The following MYB variants were observed in gnomAD, a reference collection of about 807,000 sequenced individuals.
MYB encodes transcriptional activator Myb.
MYB carries 28 observed loss-of-function variants against 92.9 expected under a neutral mutation model. That is an observed-to-expected ratio of 0.30 (90% confidence interval 0.22 to 0.41). MYB has a LOEUF of 0.41. Ranked by LOEUF, MYB falls within the 10% of genes least tolerant of loss-of-function variation. MYB has a pLI of 1.00. For synonymous variants in MYB, 295 were observed against 329.1 expected (o/e 0.90, Z 1.12); for missense variants, 679 against 929.3 (o/e 0.73, Z 3.50).
rs1387460033 is a variant in MYB, at chr6:135,181,931, A to G, written c.23+395A>G. ...CGCAGCGTAATTGCTGGATGCATTGAGATATGTTTGGACTTGGAAGTGCAG... is the reference window on the plus strand; with the variant it reads ...CGCAGCGTAATTGCTGGATGCATTGGGATATGTTTGGACTTGGAAGTGCAG... On this transcript the variant is annotated intron_variant, in intron 1 of 15. Transcript: ENST00000341911. The surrounding 1 kb of genome is among the most constrained non-coding windows in gnomAD (Gnocchi z 5.3). 6.6e-6 allele frequency among the ~76,000 whole-genome samples: 1 copy of G among 152,214 alleles called. No homozygotes were observed. Among genetic ancestry groups the G allele is most frequent in the Non-Finnish European group, 1.5e-5 (1 of 68,028 alleles).
chr6:135,189,871 A>G lies in MYB; in HGVS notation c.294A>G (p.Glu98=), dbSNP rs766394953. The G allele has an allele frequency of 1.2e-6, 2 of 1,613,474 alleles. No individual in the cohort carries two copies. Among genetic ancestry groups the G allele is most frequent in the South Asian group, 1.1e-5 (1 of 91,002 alleles). ...PELIKGPWTK[E]EDQRVIELVQ... ...TCATCAAGGGTCCTTGGACCAAAGA[A>G]GAAGATCAGAGAGTAAGTTCTTTCT... is the stretch of plus-strand genomic sequence containing the variant. Residue 98 remains glutamate, a synonymous_variant, in exon 4 of 16, where the codon GAA becomes GAG. Transcript: ENST00000341911.
intron 15 of MYB, among the ~76,000 whole-genome samples, chr6:135,204,261 A>G (rs1215982402): frequency 1.3e-5 from 2 of 152,158 alleles, no homozygotes; most frequent in Non-Finnish European, 2.9e-5. Context: ...CTTGCCCGGT[A>G]AGTATTTGTG....
In MYB at chr6:135,182,992, T is replaced by C. The variant is rs556514433; in HGVS notation, c.23+1456T>C. 5.2e-4 allele frequency among the ~76,000 whole-genome samples: 76 copies of C among 147,146 alleles called. No individual in the cohort carries two copies. In the East Asian group the frequency reaches 9.6e-3, roughly 19 times the overall value. On this transcript the variant is annotated intron_variant, in intron 1 of 15. Coordinates refer to ENST00000341911, the MANE Select transcript of MYB (RefSeq NM_001130173.2). This position sits in a 1 kb window ranked among gnomAD's most constrained non-coding sequence, Gnocchi z 5.6. Reference sequence around the variant, plus strand: ...CGCCTTTAGGACTTCACAGGACAGCTACCGGGGTCATCTGTTTTTTTTTTT... The same window carrying C: ...CGCCTTTAGGACTTCACAGGACAGCCACCGGGGTCATCTGTTTTTTTTTTT...
intron 10 of MYB, among the ~76,000 whole-genome samples, chr6:135,197,968 T>C (rs1777561374): frequency 2.0e-5 from 3 of 152,352 alleles, no homozygotes; most frequent in South Asian, 2.1e-4. Context: ...TTTTAAGGCA[T>C]GAAAATCACA....
intron 6 of MYB, 82 bp downstream of exon 6, chr6:135,192,640 A>G: frequency 7.3e-6 from 10 of 1,362,300 alleles, no homozygotes; most frequent in Non-Finnish European, 1.0e-5. Context: ...GCAGTTGTAT[A>G]CTTTTCAGAG....
intron 15 of MYB, chr6:135,203,622 A>G (rs1404863007): frequency 3.1e-6 from 3 of 962,052 alleles, no homozygotes; most frequent in Non-Finnish European, 4.6e-6. Flanking sequence ...CACGTGTGTC[A>G]CTATCTTCTT....
At chr6:135,198,510 T>C (rs1236754225) in intron 10 of MYB, among the ~76,000 whole-genome samples, 2 of 152,224 alleles carry the variant, frequency 1.3e-5, no homozygotes, top group African/African-American at 4.8e-5. Context: ...CTAATTTTGG[T>C]TCATAGATTA....
chr6:135,190,478 A>G lies in MYB; in HGVS notation c.527+131A>G, dbSNP rs909799627. On this transcript the variant is annotated intron_variant, in intron 5 of 15. Coordinates refer to ENST00000341911, the MANE Select transcript of MYB (RefSeq NM_001130173.2). The surrounding 1 kb of genome is among the most constrained non-coding windows in gnomAD (Gnocchi z 4.5). ...GTGTTTTATTAGATAAACCAGCTAC[A>G]TAGCTTTTAGAGATTGAAGACATCT... 13 of 737,916 alleles carry G rather than the reference A, an allele frequency of 1.8e-5. No homozygotes were observed. In the African/African-American group the frequency reaches 2.1e-4, roughly 12 times the overall value. The allele number at this position is 737,916 out of a possible 1,614,324, so 45.7% of individuals were successfully genotyped here.
At chr6:135,206,205 C>CAAAAAAAAAAAAAAAA (rs67836018) in intron 15 of MYB, among the ~76,000 whole-genome samples, 7 of 87,356 alleles carry the variant, frequency 8.0e-5, no homozygotes, top group African/African-American at 8.8e-5. Flanking sequence ...GACTCCATCT[C>CAAAAAAAAAAAAAAAA]AAAAAAAAAA....
Position 135,201,910 on chromosome 6 carries a change from G to A in MYB, c.2061+161G>A, listed in dbSNP as rs545481192. Among the ~76,000 whole-genome samples the A allele has an allele frequency of 3.3e-5, 5 of 152,252 alleles. No homozygotes were observed. In the South Asian group the frequency reaches 1.0e-3, roughly 32 times the overall value. On this transcript the variant is annotated intron_variant, in intron 14 of 15. Coordinates refer to ENST00000341911, the MANE Select transcript of MYB (RefSeq NM_001130173.2). Reference sequence around the variant, plus strand: ...TGATTTTTAAAAAATGATTATTAATGTAGAGTATAAAGTTGAGATTTTTTC... The same window carrying A: ...TGATTTTTAAAAAATGATTATTAATATAGAGTATAAAGTTGAGATTTTTTC...
At chr6:135,208,074 T>A (rs1779206160) in intron 15 of MYB, among the ~76,000 whole-genome samples, 1 of 130,142 alleles carries the variant, frequency 7.7e-6, no homozygotes. Flanking sequence ...TTTTAATTTT[T>A]TTTTTAATTT....
rs139324875 is a variant in MYB, at chr6:135,202,525, C to T, written c.2062-692C>T. On this transcript the variant is annotated intron_variant, in intron 14 of 15. Transcript: ENST00000341911. ...CTGGGATTACAGGCACCCGCCACCA[C>T]GCCCAGCTAATTTTGAATTTTTAGT... 3.9e-3 allele frequency: 608 copies of T among 156,040 alleles called. 4 individuals carry two copies. Among genetic ancestry groups the T allele is most frequent in the African/African-American group, 0.014 (587 of 41,584 alleles). 9.7% of individuals were successfully genotyped at this position (156,040 alleles called of 1,614,324 possible).
At chr6:135,201,828 C>T in intron 14 of MYB, 79 bp downstream of exon 14, 1 of 762,372 alleles carries the variant, frequency 1.3e-6, no homozygotes, top group East Asian at 3.1e-5. Flanking sequence ...CATAGGGCTG[C>T]TGCGGTTTCA....
At chr6:135,183,939 T>C (rs1314059701) in intron 1 of MYB, among the ~76,000 whole-genome samples, 1 of 152,210 alleles carries the variant, frequency 6.6e-6, no homozygotes, top group African/African-American at 2.4e-5. Context: ...AAGTGATTTG[T>C]CCAAGTCATA....
In MYB at chr6:135,190,040, C is replaced by T; in HGVS notation, c.307-87C>T. Reference sequence around the variant, plus strand: ...AATGAAAGCAAATTTTGGAAATTTTCTAAAGATCTTGTAACACTGAAGAAT... The same window carrying T: ...AATGAAAGCAAATTTTGGAAATTTTTTAAAGATCTTGTAACACTGAAGAAT... On this transcript the variant is annotated intron_variant, in intron 4 of 15. Transcript: ENST00000341911. The surrounding 1 kb of genome is among the most constrained non-coding windows in gnomAD (Gnocchi z 4.5). The T allele has an allele frequency of 6.6e-7, 1 of 1,505,048 alleles. No homozygotes were observed. Among genetic ancestry groups the T allele is most frequent in the Non-Finnish European group, 9.0e-7 (1 of 1,107,984 alleles). 93.2% of individuals were successfully genotyped at this position (1,505,048 alleles called of 1,614,324 possible).
chr6:135,209,927 C>G (rs1295723645), intron 15 of MYB, among the ~76,000 whole-genome samples: 1 of 152,076 alleles, frequency 6.6e-6, no homozygotes, highest in Admixed American at 6.6e-5. Context: ...ATAAAATGGT[C>G]ACAAATGAGG....
chr6:135,213,313 T>C (rs1165243179), intron 15 of MYB, among the ~76,000 whole-genome samples: 1 of 152,212 alleles, frequency 6.6e-6, no homozygotes, highest in East Asian at 1.9e-4. Context: ...AAATTCTCTT[T>C]TGACTTAGGA....
chr6:135,215,636 CCTTT>C (rs1423714998), intron 15 of MYB, among the ~76,000 whole-genome samples: 1 of 152,076 alleles, frequency 6.6e-6, no homozygotes, highest in South Asian at 2.1e-4. Context: ...GTCGTTTAAC[CCTTT>C]CTTTCTCAGC....
intron 15 of MYB, among the ~76,000 whole-genome samples, chr6:135,210,855 C>G (rs569047265): frequency 6.6e-6 from 1 of 152,178 alleles, no homozygotes; most frequent in Non-Finnish European, 1.5e-5. Context: ...GCCACATAGT[C>G]CCTGTCCTTG....
Sources: gnomAD v4.1 joint callset for allele counts (sites outside exome capture counted in the v4.1 genomes callset) on GRCh38, gnomAD v4.1.1 for gene constraint, Gnocchi (gnomAD v3.1) non-coding constraint, MANE v1.5 for transcripts, NCBI Gene and HGNC (gene_info 2026-07-23, HGNC 2026-07-21) for gene names.